Variants in ERAP1 observed in about 807,000 individuals in gnomAD.
ERAP1 encodes adipocyte-derived leucine aminopeptidase.
ERAP1 carries 86 observed loss-of-function variants against 103.7 expected under a neutral mutation model. The ratio of observed to expected loss-of-function variants is 0.83; its 90% CI spans 0.70 to 0.99. ERAP1 has a LOEUF of 0.99. ERAP1 is among the 50% of genes least tolerant of loss of function. ERAP1 has a pLI of 0.00. For synonymous variants in ERAP1, 398 were observed against 402.4 expected (o/e 0.99, Z 0.13); for missense variants, 1,009 against 1,128.4 (o/e 0.89, Z 1.52).
intron 18 of ERAP1, among the ~76,000 whole-genome samples, chr5:96,778,709 T>C (rs1441753476): frequency 1.3e-5 from 2 of 152,204 alleles, no homozygotes; most frequent in Non-Finnish European, 2.9e-5. Context: ...GAAAATGTTT[T>C]GCTATTGGCA....
the ERAP1 span, among the ~76,000 whole-genome samples, chr5:96,813,657 A>AAAAAAAG: frequency 6.9e-6 from 1 of 145,100 alleles, no homozygotes; most frequent in African/African-American, 2.7e-5. Flanking sequence ...TCTCAAAAAA[A>AAAAAAAG]AAAAAAAAAA....
At chr5:96,917,385 T>TGGGGGG in the ERAP1 span, 1 of 1,436,004 alleles carries the variant, frequency 7.0e-7, no homozygotes, top group African/African-American at 1.4e-5. Flanking sequence ...CCTCCCGAAG[T>TGGGGGG]GCTGGGATTA....
At chr5:96,783,775 T>C (rs1271687238) in intron 14 of ERAP1, 149 bp downstream of exon 14, 18 of 826,416 alleles carry the variant, frequency 2.2e-5, no homozygotes, top group African/African-American at 3.5e-5. Flanking sequence ...ATCTAAATAC[T>C]GAACTAATAT....
chr5:96,803,253 A>G (rs1413494486), intron 2 of ERAP1, 150 bp downstream of exon 2: 4 of 717,812 alleles, frequency 5.6e-6, no homozygotes, highest in African/African-American at 1.8e-5. Context: ...CAAGGGAAAA[A>G]GCCATTTTTA....
the ERAP1 span, among the ~76,000 whole-genome samples, chr5:96,874,957 C>CTATAGGCTGGCA: frequency 6.6e-6 from 1 of 152,190 alleles, no homozygotes. Context: ...AACAAAACAA[C>CTATAGGCTGGCA]TATAGGCTGG....
At chr5:96,810,309 C>G (rs887410261), upstream of ERAP1, among the ~76,000 whole-genome samples, 3 of 152,098 alleles carry the variant, frequency 2.0e-5, no homozygotes, top group African/African-American at 7.2e-5. Flanking sequence ...AGCACATTAC[C>G]GAGCTTAGAA....
At chr5:96,769,531 A>G (rs573134366), downstream of ERAP1, 1 of 152,040 alleles carries the variant, frequency 6.6e-6, no homozygotes, top group South Asian at 2.1e-4. Context: ...GAAATAATAA[A>G]ATGGTTACTG....
upstream of ERAP1, among the ~76,000 whole-genome samples, chr5:96,809,867 T>C (rs1451390203): frequency 6.6e-6 from 1 of 152,264 alleles, no homozygotes; most frequent in East Asian, 1.9e-4. Flanking sequence ...CTTTGGCTTC[T>C]AGTAAAGTTT....
chr5:96,902,287 A>T, the ERAP1 span: 64 of 1,608,062 alleles, frequency 4.0e-5, no homozygotes, highest in African/African-American at 8.4e-4. Context: ...CCTGTGGCAT[A>T]TCCCATTGAC....
Position 96,793,793 on chromosome 5 carries a change from G to C in ERAP1, c.1074+10C>G. On this transcript the variant is annotated intron_variant, in intron 6 of 18. Coordinates refer to ENST00000443439, the MANE Select transcript of ERAP1 (RefSeq NM_001040458.3). ...TTTATACTTTATTAAAAGTGTGAAT[G>C]AGCTTATACCTGGTGAGCCAGTTCA... The C allele has an allele frequency of 6.2e-7, 1 of 1,608,822 alleles. No homozygotes were observed. The highest frequency in any genetic ancestry group is 2.2e-5 in the East Asian group (1 of 44,806).
At chr5:96,858,214 C>CTTTTT in the ERAP1 span, among the ~76,000 whole-genome samples, 1 of 144,538 alleles carries the variant, frequency 6.9e-6, no homozygotes, top group Non-Finnish European at 1.5e-5. Flanking sequence ...CCTTGTTCTT[C>CTTTTT]TTCTTTTTTT....
chr5:96,841,098 TG>T, the ERAP1 span, among the ~76,000 whole-genome samples: 5 of 152,248 alleles, frequency 3.3e-5, no homozygotes, highest in Admixed American at 3.3e-4. Flanking sequence ...CAGTCATGGC[TG>T]GGTACATAAA....
chr5:96,781,828 A>G lies in ERAP1; in HGVS notation c.2312T>C (p.Val771Ala). The G allele has an allele frequency of 6.2e-7, 1 of 1,614,060 alleles. No individual in the cohort carries two copies. Among genetic ancestry groups the G allele is most frequent in the Non-Finnish European group, 8.5e-7 (1 of 1,180,020 alleles). ...LSLPVDVTLA[V>A]FAVGAQSTEG... ...TGTGCTCTGGGCCCCCACAGCAAAC[A>G]CTGCCAAGGTCACGTCGACAGGCAG... The change falls in exon 16 of 19, where the codon GTG (valine) becomes GCG (alanine). Residue 771 changes from valine to alanine, a missense_variant. Val to Ala is a moderately conservative substitution (Grantham distance 64). Coordinates refer to ENST00000443439, the MANE Select transcript of ERAP1 (RefSeq NM_001040458.3).
At chr5:96,794,893 CAGAA>C (rs1379769690) in intron 5 of ERAP1, 145 bp downstream of exon 5, 5 of 846,838 alleles carry the variant, frequency 5.9e-6, no homozygotes, top group African/African-American at 1.7e-5. Context: ...AGGAGATGCT[CAGAA>C]AGATCAACCG....
the ERAP1 span, among the ~76,000 whole-genome samples, chr5:96,891,127 T>C: frequency 4.6e-5 from 7 of 152,206 alleles, no homozygotes; most frequent in Non-Finnish European, 1.0e-4. Context: ...TTGTTTTTAA[T>C]GTACTAGAAT....
At chr5:96,761,900 T>G (rs966988805) in exon 20 of ERAP1, 2 of 159,648 alleles carry the variant, frequency 1.3e-5, no homozygotes, top group African/African-American at 4.8e-5. Flanking sequence ...GAGGGCAGTT[T>G]AGCAAAATAT....
At chr5:96,767,013 C>T (rs889172008) in intron 19 of ERAP1, among the ~76,000 whole-genome samples, 17 of 152,166 alleles carry the variant, frequency 1.1e-4, no homozygotes, top group South Asian at 1.0e-3. Flanking sequence ...ACCCTGCTTG[C>T]GTTCTTTGGG....
At chr5:96,817,409 T>C in the ERAP1 span, among the ~76,000 whole-genome samples, 4 of 152,242 alleles carry the variant, frequency 2.6e-5, no homozygotes, top group African/African-American at 9.6e-5. Context: ...CCTCATTTCA[T>C]GTTTTGTATC....
rs571910312 is a variant in ERAP1 at position 96,791,440 on chromosome 5, G to GCCT, written c.1320+618_1320+620dup. ...AATGGTAACTGGCAACACACTCTCA[G>GCCT]CCTCGGTGAGAAGACAATAGAACAG... On this transcript the variant is annotated intron_variant, in intron 8 of 18. Transcript: ENST00000443439. 8.0e-4 allele frequency among the ~76,000 whole-genome samples: 122 copies of GCCT among 152,284 alleles called. 2 individuals are homozygous for GCCT. The South Asian group carries it at 0.023, about 28-fold the overall frequency.
Sources: allele counts gnomAD v4.1 joint callset (sites outside exome capture counted in the v4.1 genomes callset), GRCh38; gene constraint gnomAD v4.1.1; transcripts MANE v1.5; gene names NCBI Gene and HGNC (gene_info 2026-07-23, HGNC 2026-07-21).